TENM3: variants seen among roughly 807,000 people sequenced by gnomAD.
TENM3 encodes teneurin transmembrane protein 3.
In TENM3, 63 loss-of-function variants were observed where a neutral mutation model predicts 255.1. The ratio of observed to expected loss-of-function variants is 0.25; its 90% CI spans 0.20 to 0.30. The LOEUF is 0.30. TENM3 is among the 10% of genes least tolerant of loss of function. The probability of loss-of-function intolerance (pLI) is 1.00; values close to 1 mark genes in which losing one functional copy is unlikely to be tolerated. For synonymous variants in TENM3, 1,306 were observed against 1,322.3 expected (o/e 0.99, Z 0.27); for missense variants, 2,929 against 3,461.1 (o/e 0.85, Z 3.86).
chr4:181,529,705 G>A, the TENM3 span, among the ~76,000 whole-genome samples: 1 of 152,200 alleles, frequency 6.6e-6, no homozygotes, highest in Non-Finnish European at 1.5e-5. Context: ...TTTACACTCA[G>A]CCACTCATTG....
At chr4:181,879,019 T>A in the TENM3 span, among the ~76,000 whole-genome samples, 1 of 152,158 alleles carries the variant, frequency 6.6e-6, no homozygotes, top group Non-Finnish European at 1.5e-5. Flanking sequence ...ACAGATCAAC[T>A]CCTTACTTAG....
Position 182,793,728 on chromosome 4 carries a change from T to C in TENM3, c.7056T>C (p.Phe2352=), listed in dbSNP as rs370869004. The change falls in exon 26 of 28, where the codon TTT becomes TTC. Residue 2352 remains phenylalanine, a synonymous_variant. Transcript: ENST00000511685. The surrounding 1 kb of genome is among the most constrained non-coding windows in gnomAD (Gnocchi z 5.7). The part of the protein sequence containing the change: ...LYDPLTKLIH[F]GERDYDILAG... ...ACCCACTCACCAAATTAATCCACTT[T>C]GGAGAAAGAGATTATGACATTTTGG... 1.9e-6 allele frequency: 3 copies of C among 1,613,894 alleles called. No individual in the cohort carries two copies. The highest frequency in any genetic ancestry group is 1.3e-5 in the African/African-American group (1 of 74,934).
intron 3 of TENM3, among the ~76,000 whole-genome samples, chr4:182,577,941 G>T (rs1745095977): frequency 6.6e-6 from 1 of 151,612 alleles, no homozygotes; most frequent in Non-Finnish European, 1.5e-5. Flanking sequence ...TTGCTTAAAT[G>T]TCATATTTTC....
At chr4:182,701,530 A>G (rs572373890) in intron 12 of TENM3, among the ~76,000 whole-genome samples, 35 of 152,072 alleles carry the variant, frequency 2.3e-4, no homozygotes, top group African/African-American at 7.7e-4. Flanking sequence ...CCAACTCTTG[A>G]CTTTTAAGAT....
At chr4:182,275,244 C>T (rs1293616742) in intron 1 of TENM3, among the ~76,000 whole-genome samples, 1 of 152,208 alleles carries the variant, frequency 6.6e-6, no homozygotes, top group African/African-American at 2.4e-5. Context: ...GCCATTTTTA[C>T]ACATCATCCC....
At chr4:182,072,767 G>A in the TENM3 span, among the ~76,000 whole-genome samples, 5 of 152,106 alleles carry the variant, frequency 3.3e-5, no homozygotes, top group African/African-American at 4.8e-5. Context: ...AAGACTTTTT[G>A]TGTGTCATCT....
intron 3 of TENM3, among the ~76,000 whole-genome samples, chr4:182,463,202 G>A (rs1732224590): frequency 6.6e-6 from 1 of 151,924 alleles, no homozygotes; most frequent in Non-Finnish European, 1.5e-5. Flanking sequence ...GCTCTCTACT[G>A]AAAGTAATAG....
intron 6 of TENM3, among the ~76,000 whole-genome samples, chr4:182,654,200 T>A (rs1561061278): frequency 6.6e-6 from 1 of 152,222 alleles, no homozygotes; most frequent in Non-Finnish European, 1.5e-5. Context: ...CAGTGTATCA[T>A]CTCTTGTATT....
At chr4:182,415,069 C>A (rs1276485524) in intron 3 of TENM3, among the ~76,000 whole-genome samples, 1 of 152,226 alleles carries the variant, frequency 6.6e-6, no homozygotes, top group Non-Finnish European at 1.5e-5. Flanking sequence ...TGTTAATCAG[C>A]ATACCATTTC....
At chr4:182,725,863 CCT>C (rs1321582221) in intron 13 of TENM3, among the ~76,000 whole-genome samples, 1 of 151,994 alleles carries the variant, frequency 6.6e-6, no homozygotes, top group African/African-American at 2.4e-5. Context: ...GTCTCGAACT[CCT>C]TACCTCAGGT....
At chr4:181,888,506 A>ATATATG in the TENM3 span, among the ~76,000 whole-genome samples, 3 of 29,186 alleles carry the variant, frequency 1.0e-4, no homozygotes, top group African/African-American at 4.4e-4. Context: ...ATATATATAT[A>ATATATG]TATATATATG....
chr4:182,515,514 G>T (rs1235425678), intron 3 of TENM3, among the ~76,000 whole-genome samples: 2 of 152,058 alleles, frequency 1.3e-5, no homozygotes, highest in Non-Finnish European at 2.9e-5. Flanking sequence ...TTAGAAAGAT[G>T]AAAAAGTAGT....
intron 1 of TENM3, among the ~76,000 whole-genome samples, chr4:182,160,025 C>A (rs545644899): frequency 2.2e-5 from 3 of 138,118 alleles, no homozygotes; most frequent in Admixed American, 7.0e-5. Flanking sequence ...TTTTTTGAGA[C>A]GGAGTCTCGC....
the TENM3 span, among the ~76,000 whole-genome samples, chr4:181,878,786 CCTACCT>C: frequency 6.6e-6 from 1 of 152,050 alleles, no homozygotes; most frequent in African/African-American, 2.4e-5. Context: ...CATCCATCTG[CCTACCT>C]ACCTGTCTAT....
chr4:182,333,512 T>C (rs1763912715), intron 2 of TENM3, among the ~76,000 whole-genome samples: 1 of 152,130 alleles, frequency 6.6e-6, no homozygotes. Context: ...ATTTACACGT[T>C]TTGGAAAAAA....
the TENM3 span, among the ~76,000 whole-genome samples, chr4:182,048,802 C>T: frequency 1.3e-5 from 2 of 152,166 alleles, no homozygotes; most frequent in Non-Finnish European, 2.9e-5. Context: ...TTTGAAAACA[C>T]TGCCTGCCTG....
chr4:182,078,628 C>G, the TENM3 span, among the ~76,000 whole-genome samples: 3 of 152,174 alleles, frequency 2.0e-5, no homozygotes, highest in Admixed American at 6.5e-5. Flanking sequence ...AACAATCCTT[C>G]TCACTGCTGT....
chr4:182,760,292 A>T (rs1561211895), intron 22 of TENM3, among the ~76,000 whole-genome samples: 1 of 152,226 alleles, frequency 6.6e-6, no homozygotes, highest in Non-Finnish European at 1.5e-5. Context: ...TTTATTATTT[A>T]AAAAGTTTAT....
At chr4:181,478,718 G>T in the TENM3 span, among the ~76,000 whole-genome samples, 1 of 152,018 alleles carries the variant, frequency 6.6e-6, no homozygotes, top group African/African-American at 2.4e-5. Flanking sequence ...GAAAACTCCC[G>T]CTAGATGACA....
Sources: gnomAD v4.1 joint callset for allele counts (sites outside exome capture counted in the v4.1 genomes callset) on GRCh38, gnomAD v4.1.1 for gene constraint, Gnocchi (gnomAD v3.1) non-coding constraint, MANE v1.5 for transcripts, NCBI Gene and HGNC (gene_info 2026-07-23, HGNC 2026-07-21) for gene names.